Variants in SYNJ1 observed in about 807,000 individuals in gnomAD.
The protein encoded by SYNJ1 is polyphosphatidylinositol phosphatase SYNJ1.
A neutral mutation model predicts 168.2 loss-of-function variants in SYNJ1; 78 were observed. The observed-to-expected ratio is 0.46, with a 90% CI of 0.39 to 0.56. The LOEUF (loss-of-function observed/expected upper bound fraction) is 0.56, where lower values mean the gene tolerates loss of function less well. Among genes scored for constraint, SYNJ1 ranks in the 20% least tolerant of loss-of-function variants. The probability of loss-of-function intolerance (pLI) is 0.00; values close to 1 mark genes in which losing one functional copy is unlikely to be tolerated. For synonymous variants in SYNJ1, 539 were observed against 548.6 expected (o/e 0.98, Z 0.24); for missense variants, 1,303 against 1,597.6 (o/e 0.82, Z 3.14).
At chr21:32,636,348 C>T (rs914976684) in intron 31 of SYNJ1, among the ~76,000 whole-genome samples, 4 of 151,746 alleles carry the variant, frequency 2.6e-5, no homozygotes, top group Admixed American at 6.6e-5. Flanking sequence ...TATAATCACT[C>T]GAATTAAATG....
At chr21:32,716,447 G>A (rs1333859910) in intron 2 of SYNJ1, among the ~76,000 whole-genome samples, 1 of 152,138 alleles carries the variant, frequency 6.6e-6, no homozygotes, top group African/African-American at 2.4e-5. Flanking sequence ...GGTTTGGTTT[G>A]GTTTCTTCCT....
chr21:32,706,024 G>C (rs1344918596), intron 2 of SYNJ1, among the ~76,000 whole-genome samples: 5 of 152,104 alleles, frequency 3.3e-5, no homozygotes, highest in Admixed American at 3.3e-4. Context: ...CCAACAGTAA[G>C]AGGACAAGTC....
intron 4 of SYNJ1, among the ~76,000 whole-genome samples, chr21:32,698,517 A>G (rs1169692269): frequency 6.6e-6 from 1 of 152,228 alleles, no homozygotes; most frequent in East Asian, 1.9e-4. Flanking sequence ...GCCTTATAAC[A>G]TATGTCAATA....
At chr21:32,677,431 C>T (rs1341330662) in intron 12 of SYNJ1, among the ~76,000 whole-genome samples, 1 of 152,042 alleles carries the variant, frequency 6.6e-6, no homozygotes, top group African/African-American at 2.4e-5. Context: ...TATGATTTTA[C>T]TTATAGTAAA....
chr21:32,724,254 G>A (rs533833141), intron 2 of SYNJ1, among the ~76,000 whole-genome samples: 1 of 152,346 alleles, frequency 6.6e-6, no homozygotes, highest in Non-Finnish European at 1.5e-5. Flanking sequence ...TTGGGAGGCT[G>A]AGGCAGGCGA....
At chr21:32,648,800 A>G (rs1314079792) in intron 23 of SYNJ1, among the ~76,000 whole-genome samples, 2 of 152,186 alleles carry the variant, frequency 1.3e-5, no homozygotes, top group African/African-American at 4.8e-5. Flanking sequence ...CACCAGACTC[A>G]TGTTTGACTG....
At chr21:32,639,216 T>G in intron 30 of SYNJ1, 91 bp from the exon 31 acceptor site, 1 of 1,219,922 alleles carries the variant, frequency 8.2e-7, no homozygotes, top group South Asian at 1.5e-5. Flanking sequence ...AACATTCTAG[T>G]TATTTCTTCC....
At chr21:32,668,249 G>A (rs1374485149) in intron 15 of SYNJ1, among the ~76,000 whole-genome samples, 3 of 151,970 alleles carry the variant, frequency 2.0e-5, no homozygotes, top group Non-Finnish European at 4.4e-5. Context: ...TGTATTTTTA[G>A]TAGAGATAGG....
Position 32,631,791 on chromosome 21 carries a change from T to C in SYNJ1, c.*14A>G, listed in dbSNP as rs1274914337. The C allele has an allele frequency of 1.9e-6, 3 of 1,609,414 alleles. No individual in the cohort carries two copies. The highest frequency in any genetic ancestry group is 1.7e-4 in the Middle Eastern group (1 of 6,024). ...TTCTCTTTTGCCATCAGAGATTCCA[T>C]TTGTTTTTACCTGCAAAAGAAAGGG... On this transcript the variant is annotated 3_prime_UTR_variant, in exon 33 of 33. Transcript: ENST00000674351.
At chr21:32,633,721 A>G (rs2039443626) in intron 32 of SYNJ1, among the ~76,000 whole-genome samples, 1 of 152,260 alleles carries the variant, frequency 6.6e-6, no homozygotes, top group African/African-American at 2.4e-5. Flanking sequence ...ATATGGAAGG[A>G]TGTTCACTTG....
At chr21:32,713,226 A>G (rs1021444817) in intron 2 of SYNJ1, among the ~76,000 whole-genome samples, 1 of 149,030 alleles carries the variant, frequency 6.7e-6, no homozygotes, top group East Asian at 2.0e-4. Context: ...ATGATTTCCC[A>G]TATGTCAACA....
At position 32,629,583 on chromosome 21, in the gene SYNJ1, A is replaced by T. The variant is rs947847115; in HGVS notation, c.*2222T>A. 1 of 152,644 alleles carries T rather than the reference A, an allele frequency of 6.6e-6. No homozygotes were observed. Among genetic ancestry groups the T allele is most frequent in the East Asian group, 1.9e-4 (1 of 5,200 alleles). 9.5% of individuals were successfully genotyped at this position (152,644 alleles called of 1,614,324 possible). ...ATTTTTTGATATTCCCTCAATGTAC[A>T]TCTTTAAAGGTTAAGTGTGGACATA... On this transcript the variant is annotated 3_prime_UTR_variant, in exon 33 of 33. Transcript: ENST00000674351.
At position 32,678,635 on chromosome 21, in the gene SYNJ1, G is replaced by A; in HGVS notation, c.1510+10C>T. On this transcript the variant is annotated intron_variant, in intron 12 of 32. Transcript: ENST00000674351. Reference sequence around the variant, plus strand: ...ATATAAATAACAAATAAAATATAAAGTGCACATACCACGCAAACTTCCAGT... The same window carrying A: ...ATATAAATAACAAATAAAATATAAAATGCACATACCACGCAAACTTCCAGT... 1 of 1,592,634 alleles carries A rather than the reference G, an allele frequency of 6.3e-7. No homozygotes were observed. Among genetic ancestry groups the A allele is most frequent in the Non-Finnish European group, 8.5e-7 (1 of 1,173,704 alleles).
intron 24 of SYNJ1, 21 bp from the exon 25 acceptor site, chr21:32,645,810 A>AT (rs1439536808): frequency 6.7e-7 from 1 of 1,500,560 alleles, no homozygotes; most frequent in East Asian, 2.5e-5. Context: ...CACAGGAGGT[A>AT]AGAAGATCAG....
intron 1 of SYNJ1, 102 bp from the exon 2 acceptor site, chr21:32,727,019 G>T: frequency 6.8e-7 from 1 of 1,473,274 alleles, no homozygotes; most frequent in Non-Finnish European, 9.1e-7. Flanking sequence ...TTTTGATGGG[G>T]GGTTGGGGTG....
At chr21:32,635,872 C>T (rs2039544748) in intron 31 of SYNJ1, among the ~76,000 whole-genome samples, 1 of 151,486 alleles carries the variant, frequency 6.6e-6, no homozygotes, top group African/African-American at 2.4e-5. Context: ...AATCATAATC[C>T]CTCTATAATA....
At chr21:32,665,744 T>C (rs534639817) in intron 17 of SYNJ1, among the ~76,000 whole-genome samples, 199 bp downstream of exon 17, 32 of 152,316 alleles carry the variant, frequency 2.1e-4, no homozygotes, top group Middle Eastern at 3.4e-3. Flanking sequence ...ATCCTTAACC[T>C]TGGCAAAATA....
At chr21:32,655,767 AACACATGC>A (rs971053609) in intron 21 of SYNJ1, among the ~76,000 whole-genome samples, 1 of 152,230 alleles carries the variant, frequency 6.6e-6, no homozygotes, top group East Asian at 1.9e-4. Context: ...ATGAAATCCA[AACACATGC>A]ACACATGCAC....
intron 32 of SYNJ1, among the ~76,000 whole-genome samples, chr21:32,633,505 A>G (rs1434135118): frequency 3.3e-5 from 5 of 152,236 alleles, no homozygotes; most frequent in Non-Finnish European, 5.9e-5. Context: ...ATGCTAACTT[A>G]AGAAAACTTC....
Sources: gnomAD v4.1 joint callset for allele counts (sites outside exome capture counted in the v4.1 genomes callset) on GRCh38, gnomAD v4.1.1 for gene constraint, MANE v1.5 for transcripts, NCBI Gene and HGNC (gene_info 2026-07-23, HGNC 2026-07-21) for gene names.